Variants in CPED1 observed in about 807,000 individuals in gnomAD.
The protein encoded by CPED1 is cadherin-like and PC-esterase domain-containing protein 1.
A neutral mutation model predicts 128.2 loss-of-function variants in CPED1; 114 were observed. The observed-to-expected ratio is 0.89, with a 90% CI of 0.76 to 1.04. The LOEUF is 1.04. Ranked by LOEUF, CPED1 falls within the 50% of genes least tolerant of loss-of-function variation. The pLI is 0.00. For missense variants in CPED1, 1,211 were observed against 1,207.1 expected, an observed-to-expected ratio of 1.00 and a Z score of -0.05; for synonymous variants, 462 against 426.7, an observed-to-expected ratio of 1.08 and a Z score of -1.02.
At chr7:121,020,276 A>G (rs1239454275) in intron 3 of CPED1, among the ~76,000 whole-genome samples, 3 of 152,004 alleles carry the variant, frequency 2.0e-5, no homozygotes, top group Non-Finnish European at 4.4e-5. Flanking sequence ...CCATATAGAT[A>G]TCCTTGCCAA....
rs147427405 is a variant in CPED1, at chr7:121,018,643, G to A, written c.433+2795G>A. Among the ~76,000 whole-genome samples the A allele has an allele frequency of 3.4e-3, 511 of 151,962 alleles. 2 individuals carry two copies. The highest frequency in any genetic ancestry group is 4.4e-3 in the Non-Finnish European group (299 of 67,924). On this transcript the variant is annotated intron_variant, in intron 3 of 22. Coordinates refer to ENST00000310396, the MANE Select transcript of CPED1 (RefSeq NM_024913.5). ...CATCCTAGGACAATAAATATAGAAG[G>A]TATTTTCTCTATTTCACCTATTTCA...
chr7:121,064,582 A>G (rs1354263655), intron 5 of CPED1, among the ~76,000 whole-genome samples: 1 of 152,160 alleles, frequency 6.6e-6, no homozygotes, highest in East Asian at 1.9e-4. Flanking sequence ...ATTTGTTTTT[A>G]AAACAATTGC....
At chr7:121,171,353 G>A (rs1023689010) in intron 16 of CPED1, among the ~76,000 whole-genome samples, 4 of 152,136 alleles carry the variant, frequency 2.6e-5, no homozygotes, top group African/African-American at 7.2e-5. Flanking sequence ...AATGAAAAAT[G>A]TAATGTCTAG....
At chr7:121,227,313 C>T (rs1798038269) in intron 16 of CPED1, among the ~76,000 whole-genome samples, 1 of 151,934 alleles carries the variant, frequency 6.6e-6, no homozygotes, top group Admixed American at 6.6e-5. Context: ...AATCAGAAGC[C>T]GTGTTTTGAA....
chr7:121,199,180 A>T (rs1261216854), intron 16 of CPED1, among the ~76,000 whole-genome samples: 1 of 152,112 alleles, frequency 6.6e-6, no homozygotes, highest in African/African-American at 2.4e-5. Context: ...GCACAGCATT[A>T]CCAAGTGTGG....
At chr7:121,036,509 T>TATA (rs1563000433) in intron 3 of CPED1, among the ~76,000 whole-genome samples, 11 of 115,534 alleles carry the variant, frequency 9.5e-5, no homozygotes, top group African/African-American at 3.6e-4. Flanking sequence ...ATATATATAT[T>TATA]TTTTTTTTCT....
intron 16 of CPED1, among the ~76,000 whole-genome samples, chr7:121,158,768 A>G (rs1391972999): frequency 6.6e-6 from 1 of 152,182 alleles, no homozygotes; most frequent in African/African-American, 2.4e-5. Flanking sequence ...AATACTATTA[A>G]TAATAAGAAA....
At chr7:121,199,840 T>C (rs1431795773) in intron 16 of CPED1, among the ~76,000 whole-genome samples, 1 of 152,050 alleles carries the variant, frequency 6.6e-6, no homozygotes, top group East Asian at 1.9e-4. Context: ...TTTAAAAAAG[T>C]AAAGAGGTGA....
chr7:121,073,597 C>T (rs754313712), intron 5 of CPED1, among the ~76,000 whole-genome samples: 12 of 152,166 alleles, frequency 7.9e-5, no homozygotes, highest in South Asian at 2.1e-4. Context: ...TTGTGTAATG[C>T]GAACCCTTCT....
chr7:120,995,157 A>G (rs1796375986), intron 2 of CPED1, among the ~76,000 whole-genome samples: 1 of 152,150 alleles, frequency 6.6e-6, no homozygotes, highest in Non-Finnish European at 1.5e-5. Flanking sequence ...AGAAACTGTA[A>G]CTGGTTCTCT....
intron 13 of CPED1, 68 bp from the exon 14 acceptor site, chr7:121,135,972 C>CT: frequency 8.3e-7 from 1 of 1,205,072 alleles, no homozygotes; most frequent in Non-Finnish European, 1.1e-6. Flanking sequence ...TATCTAATAG[C>CT]TAAATGTATA....
chr7:121,293,158 G>A (rs1303915568), intron 22 of CPED1, among the ~76,000 whole-genome samples: 1 of 152,176 alleles, frequency 6.6e-6, no homozygotes, highest in African/African-American at 2.4e-5. Context: ...CCAGGGAGAT[G>A]AGAGTTTTAT....
chr7:121,167,892 C>G (rs577468751), intron 16 of CPED1, among the ~76,000 whole-genome samples: 1 of 151,840 alleles, frequency 6.6e-6, no homozygotes, highest in South Asian at 2.1e-4. Context: ...CCACCATGCC[C>G]GGCTAATTTT....
intron 2 of CPED1, among the ~76,000 whole-genome samples, chr7:121,011,361 T>A (rs138560788): frequency 6.6e-6 from 1 of 152,228 alleles, no homozygotes; most frequent in Non-Finnish European, 1.5e-5. Flanking sequence ...CAATTTTTAC[T>A]GTAAATTCAT....
At chr7:121,072,903 A>C (rs1008279011) in intron 5 of CPED1, among the ~76,000 whole-genome samples, 2 of 152,152 alleles carry the variant, frequency 1.3e-5, no homozygotes, top group Admixed American at 1.3e-4. Context: ...AAGTCTACCT[A>C]ATTGGCTAAG....
At chr7:121,200,491 G>A (rs191672260) in intron 16 of CPED1, among the ~76,000 whole-genome samples, 1 of 152,178 alleles carries the variant, frequency 6.6e-6, no homozygotes, top group Non-Finnish European at 1.5e-5. Context: ...AGTGATGTAG[G>A]AATTTGGAAA....
chr7:121,246,437 G>T (rs1031669301), intron 18 of CPED1, among the ~76,000 whole-genome samples: 2 of 152,164 alleles, frequency 1.3e-5, no homozygotes, highest in Non-Finnish European at 2.9e-5. Context: ...CTAGATCAAG[G>T]TGTCAGTATG....
At chr7:121,047,299 G>A (rs1793225135) in intron 4 of CPED1, among the ~76,000 whole-genome samples, 1 of 152,116 alleles carries the variant, frequency 6.6e-6, no homozygotes, top group South Asian at 2.1e-4. Context: ...AAGTGGTAAA[G>A]TCTTTATTTT....
In CPED1 at chr7:121,295,760, C is replaced by A; in HGVS notation, c.*108C>A. 1 of 787,062 alleles carries A rather than the reference C, an allele frequency of 1.3e-6. No homozygotes were observed. Among genetic ancestry groups the A allele is most frequent in the African/African-American group, 1.7e-5 (1 of 57,980 alleles). 48.8% of individuals were successfully genotyped at this position (787,062 alleles called of 1,614,324 possible). On this transcript the variant is annotated 3_prime_UTR_variant, in exon 23 of 23. Coordinates refer to ENST00000310396, the MANE Select transcript of CPED1 (RefSeq NM_024913.5). ...GCACACATTTGGGATCGACCACACA[C>A]ACTTGTGCACACCAGCACATGCATG...
Sources: gnomAD v4.1 joint callset for allele counts (sites outside exome capture counted in the v4.1 genomes callset) on GRCh38, gnomAD v4.1.1 for gene constraint, MANE v1.5 for transcripts, NCBI Gene and HGNC (gene_info 2026-07-23, HGNC 2026-07-21) for gene names.